Variants in ST8SIA4 observed in about 807,000 individuals in gnomAD.
ST8SIA4 encodes the protein CMP-N-acetylneuraminate-poly-alpha-2,8-sialyltransferase.
In ST8SIA4, 15 loss-of-function variants were observed where a neutral mutation model predicts 33.9. The ratio of observed to expected loss-of-function variants is 0.44; its 90% CI spans 0.30 to 0.68. ST8SIA4 has a LOEUF of 0.68. Ranked by LOEUF, ST8SIA4 falls within the 30% of genes least tolerant of loss-of-function variation. The pLI is 0.10. For synonymous variants in ST8SIA4, 171 were observed against 151.2 expected (o/e 1.13, Z -0.96); for missense variants, 321 against 428.0 (o/e 0.75, Z 2.21).
At chr5:100,821,856 G>A (rs1335241215) in intron 4 of ST8SIA4, among the ~76,000 whole-genome samples, 4 of 152,158 alleles carry the variant, frequency 2.6e-5, no homozygotes, top group African/African-American at 9.7e-5. Flanking sequence ...CTGCCATAAA[G>A]GGCAGATACT....
intron 3 of ST8SIA4, 93 bp downstream of exon 3, chr5:100,886,250 T>G: frequency 6.6e-7 from 1 of 1,518,352 alleles, no homozygotes; most frequent in Non-Finnish European, 8.8e-7. Flanking sequence ...GTTTGAGGTT[T>G]TAGTAATACT....
intron 3 of ST8SIA4, among the ~76,000 whole-genome samples, chr5:100,874,719 G>T (rs1234712400): frequency 6.6e-6 from 1 of 151,894 alleles, no homozygotes; most frequent in Non-Finnish European, 1.5e-5. Flanking sequence ...TGAGTAGCTG[G>T]GACTACAGGC....
rs1275415208 is a variant in ST8SIA4 at position 100,902,924 on chromosome 5, C to T, written c.32G>A (p.Cys11Tyr). The T allele has an allele frequency of 6.2e-7, 1 of 1,614,144 alleles. No homozygotes were observed. The highest frequency in any genetic ancestry group is 1.7e-5 in the Admixed American group (1 of 60,024). ...AAAGATCAGGAGCAGACTTATTGTG[C>T]AGATCGTCCACCTCTTCCTAATGGA... Reference protein sequence around the residue: MRSIRKRWTICTISLLLIFYK... With the variant: MRSIRKRWTIYTISLLLIFYK... Residue 11 changes from cysteine (C) to tyrosine (Y), a missense_variant, in exon 1 of 5, where the codon TGC becomes TAC. Transcript: ENST00000231461.
chr5:100,884,025 G>T (rs1452843315), intron 3 of ST8SIA4, among the ~76,000 whole-genome samples: 1 of 152,146 alleles, frequency 6.6e-6, no homozygotes, highest in Admixed American at 6.5e-5. Context: ...CCATCTGATA[G>T]TTAGCAATAA....
At chr5:100,902,772 T>C in intron 1 of ST8SIA4, 71 bp downstream of exon 1, 1 of 1,289,560 alleles carries the variant, frequency 7.8e-7, no homozygotes, top group East Asian at 2.3e-5. Flanking sequence ...ACCATCACTC[T>C]ACCCTCTATA....
intron 4 of ST8SIA4, among the ~76,000 whole-genome samples, chr5:100,827,814 G>C (rs1426704307): frequency 1.3e-5 from 2 of 152,140 alleles, no homozygotes; most frequent in Non-Finnish European, 2.9e-5. Flanking sequence ...TCCCTAAATA[G>C]CACTGACATT....
intron 3 of ST8SIA4, among the ~76,000 whole-genome samples, chr5:100,857,375 G>A (rs1188597398): frequency 6.6e-6 from 1 of 151,474 alleles, no homozygotes; most frequent in Non-Finnish European, 1.5e-5. Context: ...TTTAAAAATA[G>A]CTTCATTTTT....
chr5:100,833,125 T>A (rs537202182), intron 4 of ST8SIA4, among the ~76,000 whole-genome samples: 1 of 152,228 alleles, frequency 6.6e-6, no homozygotes, highest in South Asian at 2.1e-4. Context: ...GTTTTATAAA[T>A]TCTTATTGGT....
intron 3 of ST8SIA4, among the ~76,000 whole-genome samples, chr5:100,874,331 G>A (rs1752260308): frequency 6.6e-6 from 1 of 152,092 alleles, no homozygotes; most frequent in African/African-American, 2.4e-5. Flanking sequence ...TAGACAGAAA[G>A]AGTACATATA....
At chr5:100,816,307 T>A (rs927890969) in intron 4 of ST8SIA4, among the ~76,000 whole-genome samples, 3 of 152,202 alleles carry the variant, frequency 2.0e-5, no homozygotes, top group Non-Finnish European at 4.4e-5. Context: ...TAAAAGCAGA[T>A]AATAATCACC....
chr5:100,900,694 G>A (rs1202726990), intron 1 of ST8SIA4, among the ~76,000 whole-genome samples: 4 of 144,596 alleles, frequency 2.8e-5, no homozygotes, highest in African/African-American at 1.0e-4. Context: ...TTGCCCCACT[G>A]TAATTGCGGG....
intron 2 of ST8SIA4, among the ~76,000 whole-genome samples, chr5:100,895,340 T>C (rs573199154): frequency 6.6e-6 from 1 of 152,176 alleles, no homozygotes; most frequent in East Asian, 1.9e-4. Context: ...AAGATAATTC[T>C]TAAAATATAT....
intron 2 of ST8SIA4, among the ~76,000 whole-genome samples, chr5:100,891,903 A>G (rs1054364160): frequency 1.3e-5 from 2 of 152,036 alleles, no homozygotes; most frequent in African/African-American, 4.8e-5. Flanking sequence ...TAGTATAAAC[A>G]TTGTATGTAG....
At chr5:100,861,266 A>T (rs1751935575) in intron 3 of ST8SIA4, among the ~76,000 whole-genome samples, 3 of 152,128 alleles carry the variant, frequency 2.0e-5, no homozygotes, top group Non-Finnish European at 2.9e-5. Flanking sequence ...AATACAAACA[A>T]CACACATCAT....
chr5:100,877,831 C>A (rs1446992087), intron 3 of ST8SIA4, among the ~76,000 whole-genome samples: 1 of 152,102 alleles, frequency 6.6e-6, no homozygotes, highest in Non-Finnish European at 1.5e-5. Flanking sequence ...TCACACTCTC[C>A]ACCTATCAAT....
At chr5:100,861,204 C>G (rs951209976) in intron 3 of ST8SIA4, among the ~76,000 whole-genome samples, 1 of 151,476 alleles carries the variant, frequency 6.6e-6, no homozygotes, top group African/African-American at 2.4e-5. Flanking sequence ...ACACACACAC[C>G]ACATTTTATG....
At chr5:100,899,022 A>T (rs1046909093) in intron 1 of ST8SIA4, among the ~76,000 whole-genome samples, 1 of 152,214 alleles carries the variant, frequency 6.6e-6, no homozygotes, top group Admixed American at 6.5e-5. Context: ...CCTAGTGTCT[A>T]CAAATATTTC....
In ST8SIA4 at chr5:100,903,199, C is replaced by T. The variant is rs1202225685; in HGVS notation, c.-244G>A. On this transcript the variant is annotated 5_prime_UTR_variant, in exon 1 of 5. Coordinates refer to ENST00000231461, the MANE Select transcript of ST8SIA4 (RefSeq NM_005668.6). ...CTGCCAGGGTCGCTCCGCGCCGCCT[C>T]CCTGGGGCTCAGGTTTCTTTTCAGA... The T allele has an allele frequency of 3.8e-6, 2 of 524,870 alleles. No individual in the cohort carries two copies. Among genetic ancestry groups the T allele is most frequent in the East Asian group, 3.3e-5 (1 of 30,260 alleles). 32.5% of individuals were successfully genotyped at this position (524,870 alleles called of 1,614,324 possible).
chr5:100,875,889 T>C (rs556038058), intron 3 of ST8SIA4, among the ~76,000 whole-genome samples: 1 of 152,224 alleles, frequency 6.6e-6, no homozygotes, highest in South Asian at 2.1e-4. Flanking sequence ...GTTCTAGAGG[T>C]TCCCAAATTT....
Sources: allele counts gnomAD v4.1 joint callset (sites outside exome capture counted in the v4.1 genomes callset), GRCh38; gene constraint gnomAD v4.1.1; transcripts MANE v1.5; gene names NCBI Gene and HGNC (gene_info 2026-07-23, HGNC 2026-07-21).